ATF2: variants seen among roughly 807,000 people sequenced by gnomAD.
The protein encoded by ATF2 is activating transcription factor 2, also known as cyclic AMP-dependent transcription factor ATF-2.
In ATF2, 24 loss-of-function variants were observed where a neutral mutation model predicts 60.6. The ratio of observed to expected loss-of-function variants is 0.40; its 90% CI spans 0.29 to 0.56. The LOEUF (loss-of-function observed/expected upper bound fraction) is 0.56, where lower values mean the gene tolerates loss of function less well. Ranked by LOEUF, ATF2 falls within the 20% of genes least tolerant of loss-of-function variation. The pLI is 0.54. For missense variants in ATF2, 433 were observed against 607.7 expected (o/e 0.71, Z 3.02); for synonymous variants, 206 against 215.4 (o/e 0.96, Z 0.38).
intron 10 of ATF2, among the ~76,000 whole-genome samples, chr2:175,110,784 T>A (rs1037010383): frequency 7.9e-5 from 12 of 152,062 alleles, no homozygotes; most frequent in Non-Finnish European, 1.3e-4. Flanking sequence ...TTTTGTATTT[T>A]TAGTAGAGAT....
Position 175,108,900 on chromosome 2 carries a change from G to C in ATF2, c.828+2668C>G, listed in dbSNP as rs184759565. On this transcript the variant is annotated intron_variant, in intron 10 of 13. Transcript: ENST00000264110. ...CAATCATGTGCTCTCTGAAACTTGTGCTGTGTCCACTCAGGGTTAAATGGA... is the reference window on the plus strand; with the variant it reads ...CAATCATGTGCTCTCTGAAACTTGTCCTGTGTCCACTCAGGGTTAAATGGA... Among the ~76,000 whole-genome samples, 10 of 152,218 alleles carry C rather than the reference G, an allele frequency of 6.6e-5. No individual in the cohort carries two copies. In the East Asian group the frequency reaches 1.7e-3, roughly 27 times the overall value.
intron 2 of ATF2, among the ~76,000 whole-genome samples, chr2:175,142,027 A>G (rs1698580074): frequency 6.6e-6 from 1 of 152,042 alleles, no homozygotes; most frequent in South Asian, 2.1e-4. Context: ...AAATTCTAAA[A>G]AAGAAAAGAA....
intron 4 of ATF2, among the ~76,000 whole-genome samples, chr2:175,126,125 C>T (rs995334979): frequency 2.0e-5 from 3 of 152,178 alleles, no homozygotes; most frequent in Admixed American, 1.3e-4. Context: ...TTATCATAGT[C>T]TCTAAATTCA....
In ATF2 at chr2:175,131,091, T is replaced by C. The variant is rs538181856; in HGVS notation, c.33-884A>G. ...ATGATCACTGAGAATACAAATGGTT[T>C]CCAGGAAGTCACCATTATTAATCTC... On this transcript the variant is annotated intron_variant, in intron 3 of 13. Transcript: ENST00000264110. Among the ~76,000 whole-genome samples the C allele has an allele frequency of 1.1e-4, 16 of 152,336 alleles. No individual in the cohort carries two copies. The South Asian group carries it at 3.3e-3, about 32-fold the overall frequency.
intron 5 of ATF2, among the ~76,000 whole-genome samples, chr2:175,120,873 T>C (rs1338559709): frequency 2.0e-5 from 3 of 151,814 alleles, no homozygotes; most frequent in Non-Finnish European, 4.4e-5. Context: ...GTTTTTCTTT[T>C]CACATACAGT....
At chr2:175,122,091 TAACAA>T (rs1696994993) in intron 4 of ATF2, among the ~76,000 whole-genome samples, 1 of 151,866 alleles carries the variant, frequency 6.6e-6, no homozygotes, top group Non-Finnish European at 1.5e-5. Flanking sequence ...ACCGATACAA[TAACAA>T]AACAGCTCAT....
chr2:175,074,484 T>C lies in ATF2; in HGVS notation c.*125A>G, dbSNP rs1693144509. Reference sequence around the variant, plus strand: ...TGCTACACCAACTTTAGAGCCAAATTTAATTTCAAGTAAAAAAAAAAAATT... The same window carrying C: ...TGCTACACCAACTTTAGAGCCAAATCTAATTTCAAGTAAAAAAAAAAAATT... On this transcript the variant is annotated 3_prime_UTR_variant, in exon 14 of 14. Coordinates refer to ENST00000264110, the MANE Select transcript of ATF2 (RefSeq NM_001880.4). 2.4e-6 allele frequency: 3 copies of C among 1,257,322 alleles called. No individual in the cohort carries two copies. The highest frequency in any genetic ancestry group is 3.3e-5 in the South Asian group (2 of 60,786). 77.9% of individuals were successfully genotyped at this position (1,257,322 alleles called of 1,614,324 possible). A position where few individuals can be genotyped will look rare whatever the true frequency, so the allele number is the denominator to read the frequency against.
At chr2:175,118,615 C>T (rs1399832783) in intron 5 of ATF2, among the ~76,000 whole-genome samples, 1 of 151,634 alleles carries the variant, frequency 6.6e-6, no homozygotes, top group African/African-American at 2.4e-5. Context: ...TAGTCCACTG[C>T]TTCTTTCTGA....
At chr2:175,132,602 A>G (rs762584072) in intron 3 of ATF2, 53 of 152,198 alleles carry the variant, frequency 3.5e-4, no homozygotes, top group African/African-American at 1.2e-3. Context: ...CAGTGGCTTT[A>G]TAAGAATTGG....
chr2:175,080,922 G>C (rs924753120), intron 12 of ATF2, among the ~76,000 whole-genome samples, 157 bp from the exon 13 acceptor site: 4 of 152,088 alleles, frequency 2.6e-5, no homozygotes, highest in African/African-American at 9.7e-5. Flanking sequence ...GCACAGGGCA[G>C]CTTTTATATT....
chr2:175,148,254 G>A (rs1259015380), intron 2 of ATF2, among the ~76,000 whole-genome samples: 1 of 152,056 alleles, frequency 6.6e-6, no homozygotes, highest in Non-Finnish European at 1.5e-5. Flanking sequence ...ATCTGATTGA[G>A]TTTCCATTCC....
chr2:175,114,856 C>A lies in ATF2; in HGVS notation c.460G>T (p.Ala154Ser). Residue 154 changes from alanine to serine, a missense_variant, in exon 8 of 14, where the codon GCA becomes TCA. Physicochemically the swap from Ala to Ser is moderately conservative, Grantham distance 99. This residue lies in a region of ATF2 where 246 missense variants were observed against 309.3 expected (regional missense o/e 0.80). Transcript: ENST00000264110. ...GCTGATGTGGGCTGTGCAGTTTGTG[C>A]CAATGGTACTTCCTATTTAACAATG... ...TTSDEKEVPL[A>S]QTAQPTSAIV... The A allele has an allele frequency of 6.2e-7, 1 of 1,611,880 alleles. No individual in the cohort carries two copies. Among genetic ancestry groups the A allele is most frequent in the Non-Finnish European group, 8.5e-7 (1 of 1,178,638 alleles).
chr2:175,085,250 A>G (rs1190633998), intron 12 of ATF2, among the ~76,000 whole-genome samples: 1 of 152,174 alleles, frequency 6.6e-6, no homozygotes, highest in Non-Finnish European at 1.5e-5. Context: ...TGATTTAAAT[A>G]TAGACTGGGT....
At position 175,118,052 on chromosome 2, in the gene ATF2, C is replaced by A; in HGVS notation, c.385G>T (p.Val129Leu). 2 of 1,612,114 alleles carry A rather than the reference C, an allele frequency of 1.2e-6. No individual in the cohort carries two copies. The highest frequency in any genetic ancestry group is 8.5e-7 in the Non-Finnish European group (1 of 1,178,708). ...IRSKIEEPSVVETTHQDSPLP... is the reference protein window; with the variant it reads ...IRSKIEEPSVLETTHQDSPLP... ...GGACTATCCTGGTGAGTTGTTTCTA[C>A]AACAGAAGGCTCCTCAATTTTGCTT... Residue 129 changes from valine to leucine, a missense_variant, in exon 7 of 14, where the codon GTA becomes TTA. By Grantham distance (32) the Val-to-Leu change is conservative. Around this residue, in one of 5 missense-constraint regions of ATF2, gnomAD observed 246 missense variants for 309.3 expected, o/e 0.80. Transcript: ENST00000264110.
intron 3 of ATF2, among the ~76,000 whole-genome samples, chr2:175,134,915 G>A (rs992612912): frequency 6.6e-6 from 1 of 150,478 alleles, no homozygotes; most frequent in Admixed American, 6.7e-5. Flanking sequence ...GAGGCAGGAG[G>A]ATCTCTTGAG....
At position 175,097,388 on chromosome 2, in the gene ATF2, T is replaced by C. The variant is rs749300695; in HGVS notation, c.978+56A>G. On this transcript the variant is annotated intron_variant, in intron 11 of 13. Coordinates refer to ENST00000264110, the MANE Select transcript of ATF2 (RefSeq NM_001880.4). ...TTTTTAAATAAGCCGTAAGTTACAC[T>C]GTACTTTTCTGTTTAAAGATGACAG... is the stretch of plus-strand genomic sequence containing the variant. The C allele has an allele frequency of 4.1e-4, 648 of 1,583,614 alleles. No individual in the cohort carries two copies. Among genetic ancestry groups the C allele is most frequent in the Non-Finnish European group, 5.0e-4 (583 of 1,164,354 alleles).
chr2:175,106,295 C>T (rs1695658624), intron 10 of ATF2, among the ~76,000 whole-genome samples: 1 of 152,154 alleles, frequency 6.6e-6, no homozygotes, highest in South Asian at 2.1e-4. Context: ...CTTTGGGAAG[C>T]CGAGGCAGGT....
chr2:175,154,474 C>CT (rs1320180230), intron 1 of ATF2, among the ~76,000 whole-genome samples: 1 of 151,352 alleles, frequency 6.6e-6, no homozygotes, highest in Non-Finnish European at 1.5e-5. Context: ...TTAAAATAAA[C>CT]TTTTTTTTAA....
chr2:175,098,672 T>C (rs979203338), intron 10 of ATF2, among the ~76,000 whole-genome samples: 1 of 152,184 alleles, frequency 6.6e-6, no homozygotes, highest in African/African-American at 2.4e-5. Flanking sequence ...GGCAATCTTT[T>C]CCTTTCTTCC....
Sources: allele counts gnomAD v4.1 joint callset (sites outside exome capture counted in the v4.1 genomes callset), GRCh38; gene constraint gnomAD v4.1.1; regional missense constraint gnomAD v4.1.1; transcripts MANE v1.5; gene names NCBI Gene and HGNC (gene_info 2026-07-23, HGNC 2026-07-21).